Variants in COX7B2 observed in about 807,000 individuals in gnomAD.
The protein encoded by COX7B2 is cytochrome c oxidase subunit 7B2, also known as cytochrome c oxidase subunit 7B2, mitochondrial.
For missense variants in COX7B2, 109 were observed against 95.9 expected, an observed-to-expected ratio of 1.14 and a Z score of -0.57; for synonymous variants, 37 against 32.1, an observed-to-expected ratio of 1.15 and a Z score of -0.51.
At chr4:46,765,197 C>G in intron 2 of COX7B2, among the ~76,000 whole-genome samples, 1 of 151,998 alleles carries the variant, frequency 6.6e-6, no homozygotes, top group Non-Finnish European at 1.5e-5. Context: ...AGTGAGATAT[C>G]AGAGCACCTG....
At chr4:46,790,621 A>G (rs1489920506) in intron 2 of COX7B2, among the ~76,000 whole-genome samples, 1 of 152,134 alleles carries the variant, frequency 6.6e-6, no homozygotes, top group Non-Finnish European at 1.5e-5. Flanking sequence ...TTCACCTTCC[A>G]ATTAATTCTA....
At chr4:46,765,785 T>G (rs1445916350) in intron 2 of COX7B2, among the ~76,000 whole-genome samples, 1 of 151,890 alleles carries the variant, frequency 6.6e-6, no homozygotes, top group African/African-American at 2.4e-5. Context: ...TCCAGGATCA[T>G]GAACCCAGGA....
chr4:46,813,475 AAAAG>A (rs1283323412), intron 2 of COX7B2, among the ~76,000 whole-genome samples: 1 of 152,188 alleles, frequency 6.6e-6, no homozygotes, highest in Non-Finnish European at 1.5e-5. Flanking sequence ...TCTGCACAGC[AAAAG>A]AAACTCGTAA....
At chr4:46,767,718 T>A (rs568347758) in intron 2 of COX7B2, among the ~76,000 whole-genome samples, 1 of 152,186 alleles carries the variant, frequency 6.6e-6, no homozygotes, top group African/African-American at 2.4e-5. Context: ...TTCACAAGTA[T>A]GTGAAAATAA....
chr4:46,773,360 C>T (rs1716984369), intron 2 of COX7B2, among the ~76,000 whole-genome samples: 1 of 152,006 alleles, frequency 6.6e-6, no homozygotes, highest in African/African-American at 2.4e-5. Context: ...GGGGCTTTTC[C>T]CCCTTTGCAC....
intron 2 of COX7B2, among the ~76,000 whole-genome samples, chr4:46,814,801 GA>G (rs1342932475): frequency 6.6e-6 from 1 of 152,098 alleles, no homozygotes; most frequent in African/African-American, 2.4e-5. Context: ...TTAATATAGG[GA>G]ATTGTATCTG....
chr4:46,789,255 G>A (rs376500684), intron 2 of COX7B2, among the ~76,000 whole-genome samples: 2 of 152,172 alleles, frequency 1.3e-5, no homozygotes, highest in African/African-American at 4.8e-5. Flanking sequence ...TTGTCTACCT[G>A]AATTGTTATC....
chr4:46,853,746 C>G (rs1349194311), intron 1 of COX7B2, among the ~76,000 whole-genome samples: 1 of 151,918 alleles, frequency 6.6e-6, no homozygotes, highest in African/African-American at 2.4e-5. Flanking sequence ...TAAAATAGTA[C>G]TATAATTATA....
chr4:46,907,847 A>ATTTTTTTTTTTTTTTTTTTT (rs1308450950), intron 1 of COX7B2, among the ~76,000 whole-genome samples: 6 of 67,200 alleles, frequency 8.9e-5, no homozygotes, highest in East Asian at 6.6e-4. Flanking sequence ...ATTTGAGCAG[A>ATTTTTTTTTTTTTTTTTTTT]CTTTTTTTTT....
At position 46,845,556 on chromosome 4, in the gene COX7B2, G is replaced by T. The variant is rs1033440617; in HGVS notation, c.-104-542C>A. On this transcript the variant is annotated intron_variant, in intron 1 of 2. Coordinates refer to ENST00000355591, the MANE Select transcript of COX7B2 (RefSeq NM_130902.3). Reference sequence around the variant, plus strand: ...AGGATTTAAAGTTAAAAAATCTAGAGAAAATGATACATTTATTTACTACTT... The same window carrying T: ...AGGATTTAAAGTTAAAAAATCTAGATAAAATGATACATTTATTTACTACTT... 5.3e-5 allele frequency among the ~76,000 whole-genome samples: 8 copies of T among 151,990 alleles called. No individual in the cohort carries two copies. The East Asian group carries it at 1.4e-3, about 26-fold the overall frequency.
intron 1 of COX7B2, among the ~76,000 whole-genome samples, chr4:46,904,713 G>C (rs1720270848): frequency 6.6e-6 from 1 of 152,118 alleles, no homozygotes; most frequent in Admixed American, 6.5e-5. Flanking sequence ...TCCACTAGCA[G>C]GAAACTGTTT....
At position 46,800,363 on chromosome 4, in the gene COX7B2, A is replaced by T. The variant is rs1459496155; in HGVS notation, c.-50+44597T>A. Among the ~76,000 whole-genome samples, 5 of 152,202 alleles carry T rather than the reference A, an allele frequency of 3.3e-5. No homozygotes were observed. The East Asian group carries it at 9.6e-4, about 29-fold the overall frequency. ...TGGAGGCATCACAGTACTAAACTTT[A>T]TACTACAAGGCTACAGTCACCAAAA... On this transcript the variant is annotated intron_variant, in intron 2 of 2. Transcript: ENST00000355591.
At chr4:46,760,267 T>C (rs1282657429) in intron 2 of COX7B2, among the ~76,000 whole-genome samples, 1 of 152,182 alleles carries the variant, frequency 6.6e-6, no homozygotes, top group Non-Finnish European at 1.5e-5. Flanking sequence ...CATATGTTTA[T>C]TGCAGCCCTT....
intron 2 of COX7B2, among the ~76,000 whole-genome samples, chr4:46,821,891 AT>A (rs917011231): frequency 5.2e-4 from 78 of 150,780 alleles, no homozygotes; most frequent in Middle Eastern, 3.5e-3. Context: ...GAGGTTATTC[AT>A]TTTTTTTTGT....
At chr4:46,858,602 T>G (rs1442161492) in intron 1 of COX7B2, among the ~76,000 whole-genome samples, 2 of 152,292 alleles carry the variant, frequency 1.3e-5, no homozygotes, top group Non-Finnish European at 2.9e-5. Flanking sequence ...TTGGTGAAGG[T>G]TGAGACCCCG....
chr4:46,758,383 C>A (rs1255926156), intron 2 of COX7B2, among the ~76,000 whole-genome samples: 1 of 152,098 alleles, frequency 6.6e-6, no homozygotes, highest in Non-Finnish European at 1.5e-5. Context: ...AGCCATATAT[C>A]TGGCAGGAGT....
At chr4:46,853,054 A>C (rs1716790442) in intron 1 of COX7B2, among the ~76,000 whole-genome samples, 1 of 152,160 alleles carries the variant, frequency 6.6e-6, no homozygotes, top group Admixed American at 6.5e-5. Context: ...TATGTATTAA[A>C]TGTCTTTAAC....
intron 1 of COX7B2, among the ~76,000 whole-genome samples, chr4:46,866,931 TAC>T (rs1351153412): frequency 6.6e-6 from 1 of 152,206 alleles, no homozygotes; most frequent in African/African-American, 2.4e-5. Flanking sequence ...ACAACCAGGG[TAC>T]TGACTCCACC....
intron 2 of COX7B2, among the ~76,000 whole-genome samples, chr4:46,759,321 A>G (rs1329896797): frequency 6.6e-6 from 1 of 152,112 alleles, no homozygotes; most frequent in Non-Finnish European, 1.5e-5. Flanking sequence ...TATTCAATAT[A>G]CTCAGAGATT....
Sources: allele counts gnomAD v4.1 joint callset (sites outside exome capture counted in the v4.1 genomes callset), GRCh38; gene constraint gnomAD v4.1.1; transcripts MANE v1.5; gene names NCBI Gene and HGNC (gene_info 2026-07-23, HGNC 2026-07-21).